Variants in CAMKK1 observed in about 807,000 individuals in gnomAD.
CAMKK1 encodes the protein calcium/calmodulin dependent protein kinase kinase 1.
CAMKK1 carries 20 observed loss-of-function variants against 63.5 expected under a neutral mutation model. That is an observed-to-expected ratio of 0.32 (90% CI 0.22 to 0.46). CAMKK1 has a LOEUF of 0.46. CAMKK1 is among the 20% of genes least tolerant of loss of function. The pLI is 1.00. For missense variants in CAMKK1, 588 were observed against 658.1 expected (o/e 0.89, Z 1.17); for synonymous variants, 253 against 269.0 (o/e 0.94, Z 0.58).
In CAMKK1 at chr17:3,883,640, A is replaced by G. The variant is rs1282189896; in HGVS notation, c.463-160T>C. 6.6e-6 allele frequency among the ~76,000 whole-genome samples: 1 copy of G among 152,012 alleles called. No homozygotes were observed. The highest frequency in any genetic ancestry group is 1.5e-5 in the Non-Finnish European group (1 of 67,970). On this transcript the variant is annotated intron_variant, in intron 4 of 15. Transcript: ENST00000348335. The surrounding 1 kb of genome is among the most constrained non-coding windows in gnomAD (Gnocchi z 4.7). Reference sequence around the variant, plus strand: ...GTTAAGCGGGGTTGGGGGTGGCCATATCTGAGCCTAGCCCTTCCCCTTATT... The same window carrying G: ...GTTAAGCGGGGTTGGGGGTGGCCATGTCTGAGCCTAGCCCTTCCCCTTATT...
chr17:3,890,355 C>T lies in CAMKK1; in HGVS notation c.-44+2584G>A, dbSNP rs2055849260. Among the ~76,000 whole-genome samples the T allele has an allele frequency of 6.6e-6, 1 of 152,178 alleles. No individual in the cohort carries two copies. The highest frequency in any genetic ancestry group is 2.4e-5 in the African/African-American group (1 of 41,442). Reference sequence around the variant, plus strand: ...CTGTTGCCTGACTCAGCACAGCTACCCCCAGCGCATCGTCCTGGCCCACCC... The same window carrying T: ...CTGTTGCCTGACTCAGCACAGCTACTCCCAGCGCATCGTCCTGGCCCACCC... On this transcript the variant is annotated intron_variant, in intron 1 of 15. Coordinates refer to ENST00000348335, the MANE Select transcript of CAMKK1 (RefSeq NM_032294.3). This position sits in a 1 kb window ranked among gnomAD's most constrained non-coding sequence, Gnocchi z 6.5.
At chr17:3,867,982 T>A (rs57308180) in intron 14 of CAMKK1, among the ~76,000 whole-genome samples, 2,264 of 82,424 alleles carry the variant, frequency 0.027, 255 homozygotes, top group African/African-American at 0.12. Flanking sequence ...CTGGGGGAGA[T>A]GCAGGCACCG....
intron 15 of CAMKK1, among the ~76,000 whole-genome samples, chr17:3,863,856 G>C (rs1412421016): frequency 6.6e-6 from 1 of 152,186 alleles, no homozygotes; most frequent in Non-Finnish European, 1.5e-5. Flanking sequence ...CCTGTGTCTG[G>C]CTTGTTCCAC....
rs1266852803 is a variant in CAMKK1, at chr17:3,883,948, G to A, written c.409-11C>T. The stretch of plus-strand genomic sequence containing the variant: ...CACACCGTAGGCACCCTGCAGATAG[G>A]CATCAGTCAGCCCCACCTGGACAGG... On this transcript the variant is annotated splice_polypyrimidine_tract_variant and intron_variant, in intron 3 of 15. Coordinates refer to ENST00000348335, the MANE Select transcript of CAMKK1 (RefSeq NM_032294.3). This position sits in a 1 kb window ranked among gnomAD's most constrained non-coding sequence, Gnocchi z 4.7. 1.2e-6 allele frequency: 2 copies of A among 1,612,940 alleles called. No homozygotes were observed. Among genetic ancestry groups the A allele is most frequent in the Admixed American group, 1.7e-5 (1 of 59,968 alleles).
At chr17:3,880,296 TGCCAGATCCCCTA>T in intron 9 of CAMKK1, 37 bp downstream of exon 9, 1 of 1,512,802 alleles carries the variant, frequency 6.6e-7, no homozygotes, top group Non-Finnish European at 9.2e-7. Flanking sequence ...CTCTGCCGCC[TGCCAGATCCCCTA>T]GCCCCAGCCC....
In CAMKK1 at chr17:3,890,671, C is replaced by T. The variant is rs1232430256; in HGVS notation, c.-44+2268G>A. 3.8e-6 allele frequency: 3 copies of T among 779,800 alleles called. No homozygotes were observed. The highest frequency in any genetic ancestry group is 2.4e-5 in the East Asian group (1 of 41,250). The allele number at this position is 779,800 out of a possible 1,614,324, so 48.3% of individuals were successfully genotyped here. A position where few individuals can be genotyped will look rare whatever the true frequency, so the allele number is the denominator to read the frequency against. On this transcript the variant is annotated intron_variant, in intron 1 of 15. Coordinates refer to ENST00000348335, the MANE Select transcript of CAMKK1 (RefSeq NM_032294.3). This position sits in a 1 kb window ranked among gnomAD's most constrained non-coding sequence, Gnocchi z 6.5. ...GTCCTTTCCCTGTTGCCCACCCTTG[C>T]TCCCCACAACCCCACACTTACTCTC... is the stretch of plus-strand genomic sequence containing the variant.
chr17:3,866,831 C>T (rs369762987), intron 14 of CAMKK1, among the ~76,000 whole-genome samples: 20 of 152,296 alleles, frequency 1.3e-4, no homozygotes, highest in African/African-American at 2.2e-4. Flanking sequence ...ATGATCCTTC[C>T]GCCTCAGTCT....
rs138121234 is a variant in CAMKK1 at position 3,868,022 on chromosome 17, A to T, written c.1341+1465T>A. 5.6e-3 allele frequency among the ~76,000 whole-genome samples: 570 copies of T among 102,400 alleles called. 36 individuals are homozygous for T. The highest frequency in any genetic ancestry group is 0.028 in the African/African-American group (469 of 17,050). 67.2% of individuals were successfully genotyped at this position (102,400 alleles called of 152,430 possible). On this transcript the variant is annotated intron_variant, in intron 14 of 15. Transcript: ENST00000348335. ...ACTGATACGCGGGCTCTGGGGGAGA[A>T]GCAGGCGCCGTCTAACTGATACACA...
At chr17:3,871,333 G>GTTTTTTTTTTTTGTTTTTT (rs2054840271) in intron 12 of CAMKK1, among the ~76,000 whole-genome samples, 1 of 111,006 alleles carries the variant, frequency 9.0e-6, no homozygotes, top group Non-Finnish European at 1.9e-5. Flanking sequence ...GTTGTTTTTT[G>GTTTTTTTTTTTTGTTTTTT]TTTTTTTTTT....
At chr17:3,875,663 T>C (rs1375916607) in intron 10 of CAMKK1, among the ~76,000 whole-genome samples, 1 of 152,114 alleles carries the variant, frequency 6.6e-6, no homozygotes, top group Non-Finnish European at 1.5e-5. Flanking sequence ...TGGCTGGCAC[T>C]CCATAGGTGA....
At position 3,883,310 on chromosome 17, in the gene CAMKK1, C is replaced by T; in HGVS notation, c.514+119G>A. On this transcript the variant is annotated intron_variant, in intron 5 of 15. Transcript: ENST00000348335. This position sits in a 1 kb window ranked among gnomAD's most constrained non-coding sequence, Gnocchi z 4.7. ...CCACAGGGCACATTCTGTCCCCAGGCCTCTGCTCACGCTGTCTCCCTCTCT... is the reference window on the plus strand; with the variant it reads ...CCACAGGGCACATTCTGTCCCCAGGTCTCTGCTCACGCTGTCTCCCTCTCT... The T allele has an allele frequency of 1.4e-6, 2 of 1,466,972 alleles. No homozygotes were observed. The highest frequency in any genetic ancestry group is 1.7e-5 in the Admixed American group (1 of 58,624). The allele number at this position is 1,466,972 out of a possible 1,614,324, so 90.9% of individuals were successfully genotyped here. A position where few individuals can be genotyped will look rare whatever the true frequency, so the allele number is the denominator to read the frequency against.
Position 3,883,301 on chromosome 17 carries a change from G to T in CAMKK1, c.515-126C>A. 6.7e-7 allele frequency: 1 copy of T among 1,481,674 alleles called. No individual in the cohort carries two copies. The highest frequency in any genetic ancestry group is 1.2e-5 in the South Asian group (1 of 86,630). 91.8% of individuals were successfully genotyped at this position (1,481,674 alleles called of 1,614,324 possible). The stretch of plus-strand genomic sequence containing the variant: ...TGTCCCAACCCACAGGGCACATTCT[G>T]TCCCCAGGCCTCTGCTCACGCTGTC... On this transcript the variant is annotated intron_variant, in intron 5 of 15. Transcript: ENST00000348335. The surrounding 1 kb of genome is among the most constrained non-coding windows in gnomAD (Gnocchi z 4.7).
At chr17:3,874,435 G>A (rs751587480) in intron 10 of CAMKK1, among the ~76,000 whole-genome samples, 7 of 152,144 alleles carry the variant, frequency 4.6e-5, no homozygotes, top group Admixed American at 1.3e-4. Context: ...GCAATAGCAC[G>A]ATCTTAGCTC....
At position 3,861,932 on chromosome 17, in the gene CAMKK1, T is replaced by A. The variant is rs1327841664; in HGVS notation, c.*279A>T. On this transcript the variant is annotated 3_prime_UTR_variant, in exon 16 of 16. Coordinates refer to ENST00000348335, the MANE Select transcript of CAMKK1 (RefSeq NM_032294.3). ...GCCGGGTGGCATTTCTGAGGCTCCA[T>A]GGGCACCCGGTTTCCCCACAGAATG... The A allele has an allele frequency of 4.4e-6, 2 of 453,336 alleles. No homozygotes were observed. 28.1% of individuals were successfully genotyped at this position (453,336 alleles called of 1,614,324 possible). A position where few individuals can be genotyped will look rare whatever the true frequency, so the allele number is the denominator to read the frequency against.
At chr17:3,869,356 G>T (rs1047545230) in intron 14 of CAMKK1, 131 bp downstream of exon 14, 1 of 1,251,682 alleles carries the variant, frequency 8.0e-7, no homozygotes, top group African/African-American at 1.5e-5. Context: ...GCAGAATGGC[G>T]GCTCCAGTGG....
At chr17:3,871,307 T>G (rs1053525860) in intron 12 of CAMKK1, among the ~76,000 whole-genome samples, 1 of 151,246 alleles carries the variant, frequency 6.6e-6, no homozygotes, top group Non-Finnish European at 1.5e-5. Flanking sequence ...TCCCGTTTCA[T>G]TTTCTTTTTT....
At position 3,892,582 on chromosome 17, in the gene CAMKK1, G is replaced by A. The variant is rs544516159; in HGVS notation, c.-44+357C>T. 2.6e-5 allele frequency among the ~76,000 whole-genome samples: 4 copies of A among 152,302 alleles called. No homozygotes were observed. The East Asian group carries it at 7.7e-4, about 30-fold the overall frequency. The stretch of plus-strand genomic sequence containing the variant: ...GCTCCGCGGAGAACCGCACGTGGGT[G>A]CCCCGGGCCGGGCCCACTCCGCACA... On this transcript the variant is annotated intron_variant, in intron 1 of 15. Transcript: ENST00000348335. The surrounding 1 kb of genome is among the most constrained non-coding windows in gnomAD (Gnocchi z 7.5).
rs982806162 is a variant in CAMKK1 at position 3,890,575 on chromosome 17, G to T, written c.-44+2364C>A. 1.3e-6 allele frequency: 1 copy of T among 763,392 alleles called. No homozygotes were observed. The highest frequency in any genetic ancestry group is 2.4e-5 in the East Asian group (1 of 41,008). 47.3% of individuals were successfully genotyped at this position (763,392 alleles called of 1,614,324 possible). A position where few individuals can be genotyped will look rare whatever the true frequency, so the allele number is the denominator to read the frequency against. ...GCTCGTCCTCCTCTGTCTCCATTGC[G>T]AGACGGGTACCACACCCTCCCCATT... On this transcript the variant is annotated intron_variant, in intron 1 of 15. Transcript: ENST00000348335. This position sits in a 1 kb window ranked among gnomAD's most constrained non-coding sequence, Gnocchi z 6.5.
chr17:3,864,408 A>G (rs1298035046), intron 15 of CAMKK1, among the ~76,000 whole-genome samples: 3 of 151,614 alleles, frequency 2.0e-5, no homozygotes, highest in Non-Finnish European at 4.4e-5. Context: ...CACCACGCCC[A>G]GCTGATTTTT....
Sources: gnomAD v4.1 joint callset for allele counts (sites outside exome capture counted in the v4.1 genomes callset) on GRCh38, gnomAD v4.1.1 for gene constraint, Gnocchi (gnomAD v3.1) non-coding constraint, MANE v1.5 for transcripts, NCBI Gene and HGNC (gene_info 2026-07-23, HGNC 2026-07-21) for gene names.